The following CPA6 variants were observed in gnomAD, a reference collection of about 807,000 sequenced individuals.
The protein encoded by CPA6 is carboxypeptidase A6, also known as carboxypeptidase B.
A neutral mutation model predicts 63.3 loss-of-function variants in CPA6; 58 were observed. That is an observed-to-expected ratio of 0.92 (90% CI 0.74 to 1.14). CPA6 has a LOEUF of 1.14. Among genes scored for constraint, CPA6 ranks in the 50% most tolerant of loss-of-function variants. The probability of loss-of-function intolerance (pLI) is 0.00; values close to 1 mark genes in which losing one functional copy is unlikely to be tolerated. For synonymous variants in CPA6, 185 were observed against 179.0 expected, an observed-to-expected ratio of 1.03 and a Z score of -0.27; for missense variants, 565 against 526.6, an observed-to-expected ratio of 1.07 and a Z score of -0.71.
At chr8:67,477,944 A>AT (rs1162738619) in intron 8 of CPA6, among the ~76,000 whole-genome samples, 2 of 152,178 alleles carry the variant, frequency 1.3e-5, no homozygotes, top group Non-Finnish European at 2.9e-5. Context: ...ACAGCTCCTA[A>AT]AATCTTTAGA....
intron 2 of CPA6, among the ~76,000 whole-genome samples, chr8:67,528,639 C>T (rs1277220111): frequency 6.6e-6 from 1 of 152,110 alleles, no homozygotes; most frequent in East Asian, 1.9e-4. Flanking sequence ...TTGAGTTAAG[C>T]TTCTCTCCTT....
intron 1 of CPA6, among the ~76,000 whole-genome samples, chr8:67,678,729 G>A (rs1338656232): frequency 2.0e-5 from 3 of 152,138 alleles, no homozygotes; most frequent in Admixed American, 6.5e-5. Context: ...AGAGCTACCC[G>A]ATGACTCAGC....
intron 8 of CPA6, among the ~76,000 whole-genome samples, chr8:67,482,244 T>G (rs980549782): frequency 2.6e-5 from 4 of 152,208 alleles, no homozygotes; most frequent in Non-Finnish European, 5.9e-5. Flanking sequence ...AGAGCACTCA[T>G]GCAGATGCCT....
At chr8:67,628,855 GC>G (rs1815253060) in intron 1 of CPA6, among the ~76,000 whole-genome samples, 1 of 152,198 alleles carries the variant, frequency 6.6e-6, no homozygotes, top group African/African-American at 2.4e-5. Context: ...AGTGGCTCAT[GC>G]CTGTAATACC....
chr8:67,634,219 A>ATTG lies in CPA6; in HGVS notation c.117-9969_117-9968insCAA, dbSNP rs1372953973. The stretch of plus-strand genomic sequence containing the variant: ...TATTATTATTATTATTATTATTATT[A>ATTG]TTTATTTGTTTTTTTTTTGAGACGG... On this transcript the variant is annotated intron_variant, in intron 1 of 10. Transcript: ENST00000297770. 9.8e-5 allele frequency among the ~76,000 whole-genome samples: 10 copies of ATTG among 102,264 alleles called. 1 individual carries two copies. Among genetic ancestry groups the ATTG allele is most frequent in the Non-Finnish European group, 1.4e-4 (7 of 50,100 alleles). 67.1% of individuals were successfully genotyped at this position (102,264 alleles called of 152,430 possible). A position where few individuals can be genotyped will look rare whatever the true frequency, so the allele number is the denominator to read the frequency against.
chr8:67,592,391 G>A (rs1440933724), intron 2 of CPA6, among the ~76,000 whole-genome samples: 1 of 152,134 alleles, frequency 6.6e-6, no homozygotes, highest in Non-Finnish European at 1.5e-5. Flanking sequence ...TCAGGATGAT[G>A]CTGGCCTCAT....
chr8:67,435,376 C>T (rs1220147324), intron 8 of CPA6, among the ~76,000 whole-genome samples: 2 of 152,054 alleles, frequency 1.3e-5, no homozygotes, highest in Non-Finnish European at 2.9e-5. Context: ...CATCCCTCCC[C>T]CCAGCGCAGG....
At chr8:67,505,644 A>G (rs1342103246) in intron 6 of CPA6, among the ~76,000 whole-genome samples, 2 of 152,212 alleles carry the variant, frequency 1.3e-5, no homozygotes, top group Non-Finnish European at 2.9e-5. Context: ...GTGTTTCAAG[A>G]GAATGCAAAT....
At chr8:67,552,666 G>A (rs1013618488) in intron 2 of CPA6, among the ~76,000 whole-genome samples, 1 of 150,402 alleles carries the variant, frequency 6.6e-6, no homozygotes, top group African/African-American at 2.4e-5. Context: ...CCAGCTACTC[G>A]GGAGGCTGAG....
chr8:67,444,764 T>A (rs1275431053), intron 8 of CPA6, among the ~76,000 whole-genome samples: 4 of 141,604 alleles, frequency 2.8e-5, no homozygotes, highest in Non-Finnish European at 6.1e-5. Flanking sequence ...AGAGCGAGAC[T>A]CTGTCTCAAA....
chr8:67,559,638 A>AAACAGGCAAACTT, intron 2 of CPA6, among the ~76,000 whole-genome samples: 1 of 152,282 alleles, frequency 6.6e-6, no homozygotes, highest in African/African-American at 2.4e-5. Context: ...ATGTGTGAAG[A>AAACAGGCAAACTT]AACAGGCAAA....
chr8:67,426,588 T>A (rs1372001456), intron 10 of CPA6, among the ~76,000 whole-genome samples: 1 of 152,132 alleles, frequency 6.6e-6, no homozygotes, highest in Non-Finnish European at 1.5e-5. Context: ...TTTGTCAATG[T>A]TAATTGACAA....
At chr8:67,472,720 G>A (rs1048720015) in intron 8 of CPA6, among the ~76,000 whole-genome samples, 3 of 151,994 alleles carry the variant, frequency 2.0e-5, no homozygotes, top group African/African-American at 4.8e-5. Context: ...GAACCATTGC[G>A]CCTGGCTTGT....
intron 8 of CPA6, among the ~76,000 whole-genome samples, chr8:67,451,461 A>G (rs1295513890): frequency 6.6e-6 from 1 of 152,212 alleles, no homozygotes; most frequent in East Asian, 1.9e-4. Flanking sequence ...TTCAGGAAAC[A>G]AGCTCAGGGA....
At chr8:67,741,400 G>A (rs1817909982) in intron 1 of CPA6, among the ~76,000 whole-genome samples, 1 of 152,192 alleles carries the variant, frequency 6.6e-6, no homozygotes, top group African/African-American at 2.4e-5. Context: ...TCTTCTGTCA[G>A]CCCTCAGGAA....
In CPA6 at chr8:67,634,538, C is replaced by A. The variant is rs968728768; in HGVS notation, c.117-10287G>T. Among the ~76,000 whole-genome samples the A allele has an allele frequency of 5.3e-5, 8 of 151,632 alleles. No homozygotes were observed. In the South Asian group the frequency reaches 1.7e-3, roughly 31 times the overall value. On this transcript the variant is annotated intron_variant, in intron 1 of 10. Transcript: ENST00000297770. ...TTTATTTTGTAGGATCCACTTCCTT[C>A]TTCACTTTGCGGGGAGAAAGAGTAA...
chr8:67,518,544 T>C (rs1242784325), intron 2 of CPA6, among the ~76,000 whole-genome samples: 1 of 149,640 alleles, frequency 6.7e-6, no homozygotes, highest in Admixed American at 6.7e-5. Flanking sequence ...TCTTTCTCTG[T>C]CACACAGGTT....
chr8:67,703,130 C>G (rs1817060092), intron 1 of CPA6, among the ~76,000 whole-genome samples: 1 of 152,180 alleles, frequency 6.6e-6, no homozygotes, highest in Non-Finnish European at 1.5e-5. Context: ...TGAGATACCT[C>G]TATGCCTCTC....
At chr8:67,489,118 C>CT (rs112067693) in intron 6 of CPA6, among the ~76,000 whole-genome samples, 10,161 of 150,572 alleles carry the variant, frequency 0.067, 808 homozygotes, top group African/African-American at 0.19. Flanking sequence ...TTCTTTTTTT[C>CT]TTTTTTTTGT....
Sources: gnomAD v4.1 joint callset for allele counts (sites outside exome capture counted in the v4.1 genomes callset) on GRCh38, gnomAD v4.1.1 for gene constraint, MANE v1.5 for transcripts, NCBI Gene and HGNC (gene_info 2026-07-23, HGNC 2026-07-21) for gene names.